LPIN3: variants seen among roughly 807,000 people sequenced by gnomAD.
LPIN3 encodes the protein phosphatidate phosphatase LPIN3.
In LPIN3, 82 loss-of-function variants were observed where a neutral mutation model predicts 94.7. The ratio of observed to expected loss-of-function variants is 0.87; its 90% CI spans 0.72 to 1.04. The LOEUF (loss-of-function observed/expected upper bound fraction) is 1.04, where lower values mean the gene tolerates loss of function less well. LPIN3 is among the 50% of genes least tolerant of loss of function. The pLI is 0.00. For missense variants in LPIN3, 996 were observed against 1,090.5 expected, an observed-to-expected ratio of 0.91 and a Z score of 1.22; for synonymous variants, 418 against 443.3, an observed-to-expected ratio of 0.94 and a Z score of 0.72.
In LPIN3 at chr20:41,352,090, T is replaced by G; in HGVS notation, c.1233T>G (p.Ser411Arg). 6.2e-7 allele frequency: 1 copy of G among 1,614,088 alleles called. No individual in the cohort carries two copies. Among genetic ancestry groups the G allele is most frequent in the Non-Finnish European group, 8.5e-7 (1 of 1,180,026 alleles). ...SDSGLGARRWSEPSSQKSLRD... is the reference protein window; with the variant it reads ...SDSGLGARRWREPSSQKSLRD... ...CTGGGCTGGGGGCCAGAAGATGGAG[T>G]GAACCCAGCAGTCAGAAGTCCCTGA... Residue 411 changes from serine to arginine, a missense_variant, in exon 9 of 20, where the codon AGT (serine) becomes AGG (arginine). Coordinates refer to ENST00000373257, the MANE Select transcript of LPIN3 (RefSeq NM_022896.3).
rs777149716 is a variant in LPIN3 at position 41,350,369 on chromosome 20, G to T, written c.1074G>T (p.Gly358=). 2 of 1,583,990 alleles carry T rather than the reference G, an allele frequency of 1.3e-6. No homozygotes were observed. Among genetic ancestry groups the T allele is most frequent in the South Asian group, 2.3e-5 (2 of 87,740 alleles). The change falls in exon 7 of 20, where the codon GGG becomes GGT. Residue 358 remains glycine (G), a synonymous_variant. Coordinates refer to ENST00000373257, the MANE Select transcript of LPIN3 (RefSeq NM_022896.3). ...WATLEVPVPT[G]QPERVSRGKG... ...CTCTGGAGGTTCCAGTTCCCACCGG[G>T]CAGCCAGAGAGGGTCTCCAGGGGGA...
intron 1 of LPIN3, among the ~76,000 whole-genome samples, chr20:41,344,855 G>A (rs1370933502): frequency 6.6e-6 from 1 of 152,202 alleles, no homozygotes; most frequent in African/African-American, 2.4e-5. Flanking sequence ...ATTGGGGTCT[G>A]AGAACTATAG....
intron 2 of LPIN3, 112 bp from the exon 3 acceptor site, chr20:41,347,440 G>A: frequency 1.0e-6 from 1 of 970,586 alleles, no homozygotes; most frequent in Non-Finnish European, 1.6e-6. Context: ...GGGAACCCCA[G>A]CAAGTATGGT....
At chr20:41,342,743 G>A (rs762571085) in intron 1 of LPIN3, among the ~76,000 whole-genome samples, 100 of 152,148 alleles carry the variant, frequency 6.6e-4, no homozygotes, top group Non-Finnish European at 6.5e-4. Flanking sequence ...CCAAAATGCC[G>A]AGCAGGCAGA....
chr20:41,350,575 T>C (rs1219251102), intron 7 of LPIN3, among the ~76,000 whole-genome samples, 178 bp downstream of exon 7: 7 of 152,078 alleles, frequency 4.6e-5, no homozygotes, highest in African/African-American at 1.7e-4. Context: ...TGGAAGGGCG[T>C]GCCACAGGCA....
rs1367417334 is a variant in LPIN3, at chr20:41,346,013, C to T, written c.192+18C>T. The T allele has an allele frequency of 1.2e-6, 2 of 1,607,692 alleles. No homozygotes were observed. Among genetic ancestry groups the T allele is most frequent in the Admixed American group, 3.3e-5 (2 of 59,806 alleles). ...AGAAGGTGGTGAGTGCTCAGGCTGG[C>T]TGAGGTGGCTACTGCAGAGTGGGCT... is the stretch of plus-strand genomic sequence containing the variant. On this transcript the variant is annotated intron_variant, in intron 2 of 19. Transcript: ENST00000373257.
intron 1 of LPIN3, among the ~76,000 whole-genome samples, chr20:41,342,798 G>C (rs2045633599): frequency 6.6e-6 from 1 of 152,164 alleles, no homozygotes; most frequent in Non-Finnish European, 1.5e-5. Context: ...AGAGAGAGGA[G>C]AGAATTCTGG....
Position 41,359,423 on chromosome 20 carries a change from A to C in LPIN3, c.*557A>C, listed in dbSNP as rs890203587. 1 of 152,132 alleles carries C rather than the reference A, an allele frequency of 6.6e-6. No individual in the cohort carries two copies. Among genetic ancestry groups the C allele is most frequent in the East Asian group, 1.9e-4 (1 of 5,176 alleles). The allele number at this position is 152,132 out of a possible 1,614,324, so 9.4% of individuals were successfully genotyped here. On this transcript the variant is annotated 3_prime_UTR_variant, in exon 20 of 20. Transcript: ENST00000373257. ...AGTGCTGGGATTACAGGCATGAGCTACCATGCCAGGCCTCCTTGCAGGGTT... is the reference window on the plus strand; with the variant it reads ...AGTGCTGGGATTACAGGCATGAGCTCCCATGCCAGGCCTCCTTGCAGGGTT...
rs1394429060 is a variant in LPIN3, at chr20:41,347,575, G to A, written c.216G>A (p.Glu72=). The change falls in exon 3 of 20, where the codon GAG becomes GAA. Residue 72 remains glutamate, a synonymous_variant. Transcript: ENST00000373257. ...EKVVDIELNG[E]PVDLHMKLGD... ...AGGTAGACATTGAGCTCAATGGGGA[G>A]CCTGTGGACTTGCACATGAAGCTTG... 5 of 1,614,118 alleles carry A rather than the reference G, an allele frequency of 3.1e-6. No homozygotes were observed. The South Asian group carries it at 3.3e-5, about 11-fold the overall frequency.
chr20:41,342,109 T>C (rs1458403711), intron 1 of LPIN3, among the ~76,000 whole-genome samples: 1 of 152,200 alleles, frequency 6.6e-6, no homozygotes, highest in East Asian at 1.9e-4. Flanking sequence ...CTGATAGGTG[T>C]ACATACAGGT....
At chr20:41,349,663 G>A in intron 5 of LPIN3, 111 bp from the exon 6 acceptor site, 1 of 1,300,836 alleles carries the variant, frequency 7.7e-7, no homozygotes, top group Non-Finnish European at 1.0e-6. Flanking sequence ...TATATATTAT[G>A]GATTCAACAC....
intron 4 of LPIN3, 34 bp downstream of exon 4, chr20:41,348,921 TG>T (rs1403457933): frequency 1.3e-6 from 2 of 1,591,796 alleles, no homozygotes; most frequent in South Asian, 2.2e-5. Flanking sequence ...AACCCCAGTT[TG>T]GGGGTTCAAG....
At chr20:41,354,040 GGGTCT>G (rs2046120118) in intron 11 of LPIN3, among the ~76,000 whole-genome samples, 1 of 152,204 alleles carries the variant, frequency 6.6e-6, no homozygotes, top group Non-Finnish European at 1.5e-5. Flanking sequence ...CTCCTGACTT[GGGTCT>G]GTAGGATGCT....
chr20:41,352,270 A>G (rs2046048529), intron 9 of LPIN3, 50 bp downstream of exon 9: 6 of 1,601,324 alleles, frequency 3.7e-6, no homozygotes, highest in Non-Finnish European at 5.1e-6. Flanking sequence ...CTGAGCCCAG[A>G]GGATGGGGAG....
At chr20:41,343,479 A>C (rs1444370595) in intron 1 of LPIN3, among the ~76,000 whole-genome samples, 1 of 152,214 alleles carries the variant, frequency 6.6e-6, no homozygotes, top group African/African-American at 2.4e-5. Context: ...GATAAACTTG[A>C]TTTGAGTGAC....
chr20:41,356,011 C>T lies in LPIN3; in HGVS notation c.1780C>T (p.Leu594Phe). The change falls in exon 14 of 20, where the codon CTC (leucine) becomes TTC (phenylalanine). Residue 594 changes from leucine (L) to phenylalanine (F), a missense_variant. Physicochemically the swap from Leu to Phe is conservative, Grantham distance 22 (BLOSUM62 0). Transcript: ENST00000373257. The part of the protein sequence containing the change: ...PPSTPTYKKS[L>F]RLSSDQIRRL... ...CTCCACTCCTACCTACAAGAAGTCC[C>T]TCCGCCTCTCCTCCGATCAGATCGT... 1 of 1,614,110 alleles carries T rather than the reference C, an allele frequency of 6.2e-7. No homozygotes were observed. Among genetic ancestry groups the T allele is most frequent in the Non-Finnish European group, 8.5e-7 (1 of 1,179,976 alleles).
At chr20:41,356,983 G>T in intron 14 of LPIN3, 57 bp from the exon 15 acceptor site, 1 of 1,587,320 alleles carries the variant, frequency 6.3e-7, no homozygotes, top group Non-Finnish European at 8.6e-7. Flanking sequence ...TAAGGGGAGA[G>T]GTAGGCAGTG....
chr20:41,354,708 T>C lies in LPIN3; in HGVS notation c.1591T>C (p.Trp531Arg). 1 of 1,607,492 alleles carries C rather than the reference T, an allele frequency of 6.2e-7. No homozygotes were observed. Among genetic ancestry groups the C allele is most frequent in the Non-Finnish European group, 8.5e-7 (1 of 1,175,916 alleles). The change falls in exon 12 of 20, where the codon TGG (tryptophan) becomes CGG (arginine). Residue 531 changes from tryptophan (W) to arginine (R), a missense_variant. Coordinates refer to ENST00000373257, the MANE Select transcript of LPIN3 (RefSeq NM_022896.3). Reference sequence around the variant, plus strand: ...GAAGGGTGGGCGATGGTGGTTTTCCTGGCGACGCAGGGACTTCCTGGCCGA... The same window carrying C: ...GAAGGGTGGGCGATGGTGGTTTTCCCGGCGACGCAGGGACTTCCTGGCCGA... ...PRKGGRWWFS[W>R]RRRDFLAEER...
rs901596393 is a variant in LPIN3, at chr20:41,358,976, AAGG to A, written c.*117_*119del. 12 of 1,378,772 alleles carry A rather than the reference AAGG, an allele frequency of 8.7e-6. No individual in the cohort carries two copies. In the African/African-American group the frequency reaches 1.2e-4, roughly 13 times the overall value. The allele number at this position is 1,378,772 out of a possible 1,614,324, so 85.4% of individuals were successfully genotyped here. ...TCATGGGGCAAACCCACTGAAGGGG[AAGG>A]AGGAGGCTGCAGGTTGGTTGGCAGC... is the stretch of plus-strand genomic sequence containing the variant. On this transcript the variant is annotated 3_prime_UTR_variant, in exon 20 of 20. Transcript: ENST00000373257.
Sources: gnomAD v4.1 joint callset for allele counts (sites outside exome capture counted in the v4.1 genomes callset) on GRCh38, gnomAD v4.1.1 for gene constraint, MANE v1.5 for transcripts, NCBI Gene and HGNC (gene_info 2026-07-23, HGNC 2026-07-21) for gene names.